The following SORCS2 variants were observed in gnomAD, a reference collection of about 807,000 sequenced individuals.
SORCS2 encodes VPS10 domain-containing receptor SorCS2.
Under a neutral mutation model 141.6 loss-of-function variants are expected in SORCS2, and 100 were observed. The ratio of observed to expected loss-of-function variants is 0.71; its 90% CI spans 0.60 to 0.83. The LOEUF (loss-of-function observed/expected upper bound fraction) is 0.83, where lower values mean the gene tolerates loss of function less well. SORCS2 is among the 40% of genes least tolerant of loss of function. The pLI is 0.00. For missense variants in SORCS2, 1,646 were observed against 1,560.2 expected, an observed-to-expected ratio of 1.05 and a Z score of -0.93; for synonymous variants, 789 against 676.9, an observed-to-expected ratio of 1.17 and a Z score of -2.57.
At chr4:7,730,084 G>C (rs1023543801) in intron 23 of SORCS2, among the ~76,000 whole-genome samples, 1 of 152,156 alleles carries the variant, frequency 6.6e-6, no homozygotes, top group East Asian at 1.9e-4. Context: ...TGTGGGTTTC[G>C]GGGCCGAGCA....
intron 1 of SORCS2, among the ~76,000 whole-genome samples, chr4:7,368,103 G>A (rs1028188799): frequency 6.6e-5 from 10 of 152,182 alleles, no homozygotes; most frequent in South Asian, 2.1e-4. Flanking sequence ...CCCTGTTCAC[G>A]TGTGGTGGTG....
chr4:7,436,308 C>T (rs1727295335), intron 2 of SORCS2, among the ~76,000 whole-genome samples: 2 of 152,230 alleles, frequency 1.3e-5, no homozygotes, highest in African/African-American at 4.8e-5. Flanking sequence ...TTTCTATGGG[C>T]TTATGATGGG....
intron 5 of SORCS2, 32 bp downstream of exon 5, chr4:7,654,239 G>C (rs146509957): frequency 1.9e-6 from 3 of 1,556,608 alleles, no homozygotes; most frequent in East Asian, 2.4e-5. Flanking sequence ...AAACCCATGG[G>C]GCCCGCAGCT....
intron 1 of SORCS2, among the ~76,000 whole-genome samples, chr4:7,388,721 C>T (rs4689721): frequency 0.31 from 47,041 of 151,866 alleles, 7,384 homozygotes; most frequent in East Asian, 0.54. Context: ...TTGACCTCTC[C>T]CGCTTGTGAA....
chr4:7,351,041 C>T (rs1194915846), intron 1 of SORCS2, among the ~76,000 whole-genome samples: 1 of 152,220 alleles, frequency 6.6e-6, no homozygotes, highest in Non-Finnish European at 1.5e-5. Flanking sequence ...TATTGTCCCA[C>T]TGTGCTCACG....
intron 2 of SORCS2, among the ~76,000 whole-genome samples, chr4:7,404,675 C>T (rs1324989037): frequency 6.6e-6 from 1 of 152,070 alleles, no homozygotes; most frequent in Admixed American, 6.5e-5. Flanking sequence ...TATTTGTGTC[C>T]TTTGCCCACT....
chr4:7,512,203 A>G (rs1188589371), intron 2 of SORCS2, among the ~76,000 whole-genome samples: 2 of 152,072 alleles, frequency 1.3e-5, no homozygotes, highest in African/African-American at 4.8e-5. Flanking sequence ...AGGCTCGCAC[A>G]GTCACTCATC....
chr4:7,534,590 C>T (rs956523217), intron 3 of SORCS2, among the ~76,000 whole-genome samples: 1 of 152,230 alleles, frequency 6.6e-6, no homozygotes, highest in Non-Finnish European at 1.5e-5. Context: ...GTGGGATCAG[C>T]TCAGTGTCAT....
At chr4:7,473,329 C>T (rs1211096418) in intron 2 of SORCS2, among the ~76,000 whole-genome samples, 1 of 152,168 alleles carries the variant, frequency 6.6e-6, no homozygotes, top group Non-Finnish European at 1.5e-5. Flanking sequence ...CCAGGGAGCC[C>T]TCAGCCCAGG....
chr4:7,236,801 G>A (rs535691669), intron 1 of SORCS2, among the ~76,000 whole-genome samples: 3 of 152,258 alleles, frequency 2.0e-5, no homozygotes, highest in African/African-American at 4.8e-5. Flanking sequence ...GGCTGGTCTC[G>A]AACTCCTCAC....
chr4:7,526,121 A>T (rs1038398667), intron 2 of SORCS2, among the ~76,000 whole-genome samples: 1 of 152,254 alleles, frequency 6.6e-6, no homozygotes, highest in Non-Finnish European at 1.5e-5. Flanking sequence ...CCTGCTATGC[A>T]GGTGCCACGA....
intron 1 of SORCS2, among the ~76,000 whole-genome samples, chr4:7,202,911 C>T (rs1173747164): frequency 6.6e-6 from 1 of 151,994 alleles, no homozygotes; most frequent in Non-Finnish European, 1.5e-5. Flanking sequence ...AGTTAATAAT[C>T]ACAGCCCCTA....
intron 3 of SORCS2, among the ~76,000 whole-genome samples, chr4:7,558,946 G>A (rs753901475): frequency 1.9e-4 from 29 of 152,174 alleles, no homozygotes; most frequent in Non-Finnish European, 3.2e-4. Flanking sequence ...GCCCTGCCCT[G>A]TCTGCCCTTG....
intron 3 of SORCS2, among the ~76,000 whole-genome samples, chr4:7,607,918 G>A (rs570825913): frequency 1.9e-4 from 29 of 152,238 alleles, no homozygotes; most frequent in Non-Finnish European, 3.4e-4. Context: ...CACAGTCCCC[G>A]GCTGGCCGTG....
chr4:7,320,370 C>T (rs527431336), intron 1 of SORCS2, among the ~76,000 whole-genome samples: 3 of 152,184 alleles, frequency 2.0e-5, no homozygotes, highest in Non-Finnish European at 4.4e-5. Flanking sequence ...TAATGATGGA[C>T]AATGGATCCC....
intron 1 of SORCS2, among the ~76,000 whole-genome samples, chr4:7,387,545 G>GCACATA (rs1173925060): frequency 0.074 from 8,810 of 118,858 alleles, 561 homozygotes; most frequent in African/African-American, 0.17. Context: ...GCACACACAT[G>GCACATA]CACATACACA....
intron 1 of SORCS2, among the ~76,000 whole-genome samples, chr4:7,301,815 C>A (rs1577373951): frequency 1.3e-5 from 2 of 152,260 alleles, no homozygotes; most frequent in East Asian, 3.8e-4. Flanking sequence ...GGATTACATT[C>A]TCCTGAGCTG....
At position 7,654,930 on chromosome 4, in the gene SORCS2, G is replaced by A. The variant is rs79709533; in HGVS notation, c.887+723G>A. ...TGCATCCTCAGGGGAGCCTCTCAGT[G>A]TGCCCCCTGAGCACCCCAGCCTCAC... On this transcript the variant is annotated intron_variant, in intron 5 of 26. Coordinates refer to ENST00000507866, the MANE Select transcript of SORCS2 (RefSeq NM_020777.3). Among the ~76,000 whole-genome samples, 37 of 152,268 alleles carry A rather than the reference G, an allele frequency of 2.4e-4. 1 individual carries two copies. The East Asian group carries it at 7.2e-3, about 29-fold the overall frequency.
chr4:7,192,541 T>G lies in SORCS2; in HGVS notation c.-106T>G. 2.1e-6 allele frequency: 2 copies of G among 945,514 alleles called. No individual in the cohort carries two copies. Among genetic ancestry groups the G allele is most frequent in the Non-Finnish European group, 2.5e-6 (2 of 794,214 alleles). The allele number at this position is 945,514 out of a possible 1,614,324, so 58.6% of individuals were successfully genotyped here. A position where few individuals can be genotyped will look rare whatever the true frequency, so the allele number is the denominator to read the frequency against. On this transcript the variant is annotated 5_prime_UTR_variant, in exon 1 of 27. Transcript: ENST00000507866. The surrounding 1 kb of genome is among the most constrained non-coding windows in gnomAD (Gnocchi z 4.0). ...CCGCTCCCTCCCCTCGCCGGCTCCT[T>G]TCTCTGCGCTCTCGCTCGCGCTCCC... is the stretch of plus-strand genomic sequence containing the variant.
Sources: allele counts gnomAD v4.1 joint callset (sites outside exome capture counted in the v4.1 genomes callset), GRCh38; gene constraint gnomAD v4.1.1; non-coding constraint Gnocchi (gnomAD v3.1); transcripts MANE v1.5; gene names NCBI Gene and HGNC (gene_info 2026-07-23, HGNC 2026-07-21).